DEPDC1B: variants seen among roughly 807,000 people sequenced by gnomAD.
DEPDC1B encodes the protein DEP domain-containing protein 1B.
DEPDC1B carries 51 observed loss-of-function variants against 66.5 expected under a neutral mutation model. That is an observed-to-expected ratio of 0.77 (90% CI 0.61 to 0.97). The LOEUF (loss-of-function observed/expected upper bound fraction) is 0.97, where lower values mean the gene tolerates loss of function less well. DEPDC1B is among the 50% of genes least tolerant of loss of function. The pLI, the probability that DEPDC1B is intolerant of heterozygous loss-of-function variation, is 0.00. For missense variants in DEPDC1B, 552 were observed against 637.1 expected (o/e 0.87, Z 1.44); for synonymous variants, 226 against 223.6 (o/e 1.01, Z -0.10).
chr5:60,631,019 G>C (rs1308443933), intron 7 of DEPDC1B: 1 of 154,480 alleles, frequency 6.5e-6, no homozygotes, highest in Non-Finnish European at 1.5e-5. Flanking sequence ...CAGTGGTCCA[G>C]AAGATCCGCT....
At chr5:60,634,047 G>A (rs1257808595) in intron 7 of DEPDC1B, among the ~76,000 whole-genome samples, 1 of 152,184 alleles carries the variant, frequency 6.6e-6, no homozygotes, top group East Asian at 1.9e-4. Context: ...ATGGCAGAGA[G>A]TGGCATGCAG....
At chr5:60,618,514 A>T (rs565883967) in intron 7 of DEPDC1B, among the ~76,000 whole-genome samples, 31 of 152,370 alleles carry the variant, frequency 2.0e-4, no homozygotes, top group African/African-American at 7.0e-4. Context: ...AAACACCTCT[A>T]TGAAAATGAA....
intron 7 of DEPDC1B, chr5:60,628,737 C>A (rs2111812991): frequency 6.6e-6 from 1 of 152,274 alleles, no homozygotes; most frequent in South Asian, 2.1e-4. Context: ...TGCATAGAGT[C>A]TCAAACTGCT....
chr5:60,615,326 C>T (rs907478564), intron 7 of DEPDC1B, among the ~76,000 whole-genome samples: 6 of 152,052 alleles, frequency 3.9e-5, no homozygotes, highest in African/African-American at 1.2e-4. Flanking sequence ...GCACACCAAG[C>T]GTGAGCCAAA....
chr5:60,599,375 C>G (rs1347667550), intron 9 of DEPDC1B, 115 bp from the exon 10 acceptor site: 4 of 684,680 alleles, frequency 5.8e-6, no homozygotes, highest in Non-Finnish European at 8.3e-6. Flanking sequence ...CCATGTTAGT[C>G]CTCAAAATTT....
chr5:60,613,607 C>T (rs1752469481), intron 7 of DEPDC1B, among the ~76,000 whole-genome samples: 2 of 151,990 alleles, frequency 1.3e-5, no homozygotes, highest in Non-Finnish European at 2.9e-5. Context: ...GACAGGTAAT[C>T]GATAATGATC....
chr5:60,678,591 T>C (rs986018446), intron 2 of DEPDC1B, among the ~76,000 whole-genome samples: 2 of 152,224 alleles, frequency 1.3e-5, no homozygotes, highest in African/African-American at 4.8e-5. Context: ...ATTTTAAACA[T>C]ACTAATAGAT....
intron 2 of DEPDC1B, among the ~76,000 whole-genome samples, chr5:60,686,217 A>G (rs747819572): frequency 6.6e-6 from 1 of 152,206 alleles, no homozygotes; most frequent in South Asian, 2.1e-4. Context: ...AAAGCACGTA[A>G]TAAGGGTCCA....
intron 1 of DEPDC1B, among the ~76,000 whole-genome samples, chr5:60,691,474 C>T (rs1373480861): frequency 6.6e-6 from 1 of 152,174 alleles, no homozygotes. Context: ...AATCTTTCTA[C>T]TTCTTTTGAC....
intron 7 of DEPDC1B, among the ~76,000 whole-genome samples, chr5:60,618,391 C>G (rs1752616094): frequency 6.6e-6 from 1 of 151,752 alleles, no homozygotes; most frequent in African/African-American, 2.4e-5. Flanking sequence ...AGACTGCTAG[C>G]AAGACTAATA....
chr5:60,650,389 T>C (rs1006445722), intron 2 of DEPDC1B, among the ~76,000 whole-genome samples: 3 of 152,154 alleles, frequency 2.0e-5, no homozygotes, highest in Non-Finnish European at 2.9e-5. Context: ...TAGGGCCGGA[T>C]AGTTCTTTGT....
chr5:60,690,518 C>T (rs1462236665), intron 1 of DEPDC1B, among the ~76,000 whole-genome samples: 2 of 152,204 alleles, frequency 1.3e-5, no homozygotes, highest in Non-Finnish European at 2.9e-5. Context: ...TTTCTTTCTA[C>T]ATAATTATTT....
In DEPDC1B at chr5:60,687,746, G is replaced by A. The variant is rs144115966; in HGVS notation, c.49-519C>T. 5.3e-3 allele frequency: 974 copies of A among 183,170 alleles called. 11 individuals carry two copies. The highest frequency in any genetic ancestry group is 0.017 in the African/African-American group (714 of 41,552). 11.3% of individuals were successfully genotyped at this position (183,170 alleles called of 1,614,324 possible). The stretch of plus-strand genomic sequence containing the variant: ...TCACCATGTTGGTCAGGGTGGTCTC[G>A]AACTCTTGATCTCAAGTGATCCAGC... On this transcript the variant is annotated intron_variant, in intron 1 of 10. Coordinates refer to ENST00000265036, the MANE Select transcript of DEPDC1B (RefSeq NM_018369.3).
At chr5:60,677,608 C>T (rs1423954221) in intron 2 of DEPDC1B, among the ~76,000 whole-genome samples, 1 of 152,050 alleles carries the variant, frequency 6.6e-6, no homozygotes, top group Non-Finnish European at 1.5e-5. Context: ...ATGATCATGG[C>T]TCACTGCACC....
intron 2 of DEPDC1B, among the ~76,000 whole-genome samples, chr5:60,658,709 G>A (rs1307933198): frequency 6.6e-6 from 1 of 152,184 alleles, no homozygotes; most frequent in Non-Finnish European, 1.5e-5. Context: ...CAGGGGGAGG[G>A]ACAATGATCA....
At chr5:60,612,260 T>G (rs1158387612) in intron 7 of DEPDC1B, among the ~76,000 whole-genome samples, 1 of 151,774 alleles carries the variant, frequency 6.6e-6, no homozygotes, top group Non-Finnish European at 1.5e-5. Flanking sequence ...TTATCTCTAC[T>G]AAAAATACAA....
chr5:60,651,278 AGCACTTTGGGAG>A (rs896890935), intron 2 of DEPDC1B, among the ~76,000 whole-genome samples: 4 of 152,198 alleles, frequency 2.6e-5, no homozygotes, highest in African/African-American at 9.6e-5. Context: ...CTGTAATCCC[AGCACTTTGGGAG>A]ACCAGGGTGG....
chr5:60,603,826 C>CATATATATATATATATATAT lies in DEPDC1B; in HGVS notation c.1066-279_1066-260dup, dbSNP rs34747463. 4.3e-3 allele frequency among the ~76,000 whole-genome samples: 625 copies of CATATATATATATATATATAT among 146,014 alleles called. 1 individual carries two copies. Among genetic ancestry groups the CATATATATATATATATATAT allele is most frequent in the South Asian group, 0.011 (50 of 4,500 alleles). Reference sequence around the variant, plus strand: ...CTCCTTTTACACGATTTTAAATATACATATATATATATATATATATACACA... The same window carrying CATATATATATATATATATAT: ...CTCCTTTTACACGATTTTAAATATACATATATATATATATATATATATATATATATATATATATATACACA... On this transcript the variant is annotated intron_variant, in intron 8 of 10. Coordinates refer to ENST00000265036, the MANE Select transcript of DEPDC1B (RefSeq NM_018369.3).
At position 60,622,953 on chromosome 5, in the gene DEPDC1B, T is replaced by C. The variant is rs116405195; in HGVS notation, c.898+15797A>G. Among the ~76,000 whole-genome samples the C allele has an allele frequency of 7.1e-3, 1,076 of 152,320 alleles. 10 individuals are homozygous for C. The highest frequency in any genetic ancestry group is 0.024 in the African/African-American group (1,002 of 41,588). On this transcript the variant is annotated intron_variant, in intron 7 of 10. Transcript: ENST00000265036. Reference sequence around the variant, plus strand: ...TGGGAATTTTCTTGTCTTTTCATTTTCTTAACAGTATATTTCAAAGAGCAG... The same window carrying C: ...TGGGAATTTTCTTGTCTTTTCATTTCCTTAACAGTATATTTCAAAGAGCAG...
Sources: gnomAD v4.1 joint callset for allele counts (sites outside exome capture counted in the v4.1 genomes callset) on GRCh38, gnomAD v4.1.1 for gene constraint, MANE v1.5 for transcripts, NCBI Gene and HGNC (gene_info 2026-07-23, HGNC 2026-07-21) for gene names.